WDR49: variants seen among roughly 807,000 people sequenced by gnomAD.
The protein encoded by WDR49 is cilia- and flagella-associated protein 337.
In WDR49, 107 loss-of-function variants were observed where a neutral mutation model predicts 119.5. That is an observed-to-expected ratio of 0.90 (90% confidence interval 0.77 to 1.05). The LOEUF (loss-of-function observed/expected upper bound fraction) is 1.05, where lower values mean the gene tolerates loss of function less well. Ranked by LOEUF, WDR49 falls within the 50% of genes least tolerant of loss-of-function variation. The pLI is 0.00. For synonymous variants in WDR49, 425 were observed against 418.8 expected (o/e 1.01, Z -0.18); for missense variants, 1,240 against 1,220.5 (o/e 1.02, Z -0.24).
rs537854791 is a variant in WDR49 at position 167,587,918 on chromosome 3, A to G, written c.1276-11767T>C. 3.3e-5 allele frequency among the ~76,000 whole-genome samples: 5 copies of G among 152,334 alleles called. No homozygotes were observed. In the East Asian group the frequency reaches 5.8e-4, roughly 18 times the overall value. On this transcript the variant is annotated intron_variant, in intron 7 of 18. Transcript: ENST00000682715. ...TCACATCAGGGTAAATGGAGTAGCTATCACCTCAAGCATTTATCCTGTGTG... is the reference window on the plus strand; with the variant it reads ...TCACATCAGGGTAAATGGAGTAGCTGTCACCTCAAGCATTTATCCTGTGTG...
intron 18 of WDR49, among the ~76,000 whole-genome samples, chr3:167,495,796 G>A (rs1751330244): frequency 7.0e-6 from 1 of 143,006 alleles, no homozygotes; most frequent in Admixed American, 7.4e-5. Flanking sequence ...TTTAAAAGCA[G>A]CCAGAATAAG....
At chr3:167,647,358 C>T (rs1276065053) in intron 2 of WDR49, among the ~76,000 whole-genome samples, 2 of 152,174 alleles carry the variant, frequency 1.3e-5, no homozygotes, top group Non-Finnish European at 2.9e-5. Flanking sequence ...TGTAAAAGTA[C>T]ACAGAGAGTT....
chr3:167,535,779 A>T (rs1752999810), intron 11 of WDR49, among the ~76,000 whole-genome samples: 1 of 152,116 alleles, frequency 6.6e-6, no homozygotes, highest in African/African-American at 2.4e-5. Flanking sequence ...TCTGCACCAC[A>T]CCCTTATGTT....
chr3:167,491,325 A>G (rs1011409399), intron 18 of WDR49, among the ~76,000 whole-genome samples: 1 of 152,160 alleles, frequency 6.6e-6, no homozygotes, highest in Non-Finnish European at 1.5e-5. Flanking sequence ...GCTCCTGGAA[A>G]GTGAAGACAT....
chr3:167,500,189 G>A lies in WDR49; in HGVS notation c.2995C>T (p.Arg999Cys), dbSNP rs200666249. The stretch of plus-strand genomic sequence containing the variant: ...GACGGGGCCTCCAGAATTTGGGGAC[G>A]CTCTTCCTCTGGTTCTTTCCTAAAG... The part of the protein sequence containing the change: ...KYFRKEPEEE[R>C]PQILEAPSLF... Residue 999 changes from arginine (R) to cysteine (C), a missense_variant, in exon 18 of 19, where the codon CGT becomes TGT. Physicochemically the swap from Arg to Cys is radical, Grantham distance 180 (BLOSUM62 -3). Transcript: ENST00000682715. 54 of 1,578,472 alleles carry A rather than the reference G, an allele frequency of 3.4e-5. No individual in the cohort carries two copies. The East Asian group carries it at 5.1e-4, about 15-fold the overall frequency.
At chr3:167,539,892 A>T (rs562298890) in intron 10 of WDR49, among the ~76,000 whole-genome samples, 3 of 152,286 alleles carry the variant, frequency 2.0e-5, no homozygotes, top group East Asian at 3.9e-4. Flanking sequence ...TTTTCCTTCT[A>T]CAACAGCAGT....
intron 5 of WDR49, among the ~76,000 whole-genome samples, chr3:167,609,332 C>A (rs1328776478): frequency 6.6e-6 from 1 of 152,150 alleles, no homozygotes; most frequent in African/African-American, 2.4e-5. Context: ...TCACCAACGC[C>A]CACCCTTCTC....
At chr3:167,625,539 G>A (rs1002591818) in intron 3 of WDR49, among the ~76,000 whole-genome samples, 14 of 151,890 alleles carry the variant, frequency 9.2e-5, no homozygotes, top group Admixed American at 8.5e-4. Flanking sequence ...AAAAATTAAT[G>A]GGTTTATTTC....
chr3:167,574,651 C>A (rs1714138853), intron 8 of WDR49, among the ~76,000 whole-genome samples: 1 of 152,118 alleles, frequency 6.6e-6, no homozygotes, highest in Admixed American at 6.5e-5. Flanking sequence ...TGTCTTTATG[C>A]CCCAAATAAA....
chr3:167,495,484 A>G (rs1343908257), intron 18 of WDR49, among the ~76,000 whole-genome samples: 1 of 152,120 alleles, frequency 6.6e-6, no homozygotes, highest in Non-Finnish European at 1.5e-5. Flanking sequence ...AGGAAATAAA[A>G]TGTTTTTCCA....
intron 15 of WDR49, among the ~76,000 whole-genome samples, chr3:167,526,405 G>A (rs138900099): frequency 6.6e-5 from 10 of 152,168 alleles, no homozygotes; most frequent in Non-Finnish European, 1.3e-4. Flanking sequence ...ATGACGTTTC[G>A]TTTCTTTACC....
At chr3:167,513,886 T>C (rs772445124) in intron 16 of WDR49, among the ~76,000 whole-genome samples, 1 of 152,004 alleles carries the variant, frequency 6.6e-6, no homozygotes, top group Non-Finnish European at 1.5e-5. Flanking sequence ...AATGGTAAAG[T>C]GTTCAATTCA....
At chr3:167,544,466 A>G (rs186975840) in intron 10 of WDR49, among the ~76,000 whole-genome samples, 15 of 151,998 alleles carry the variant, frequency 9.9e-5, no homozygotes, top group African/African-American at 3.4e-4. Context: ...GCAGTGGGAC[A>G]TAGACCGGTG....
At chr3:167,607,459 T>C (rs1280986449) in intron 5 of WDR49, among the ~76,000 whole-genome samples, 1 of 152,190 alleles carries the variant, frequency 6.6e-6, no homozygotes, top group Non-Finnish European at 1.5e-5. Flanking sequence ...TATTGAATCC[T>C]TCCTATGTAC....
chr3:167,554,680 T>C lies in WDR49; in HGVS notation c.1793A>G (p.Tyr598Cys). 6.2e-7 allele frequency: 1 copy of C among 1,604,364 alleles called. No individual in the cohort carries two copies. The highest frequency in any genetic ancestry group is 1.7e-4 in the Middle Eastern group (1 of 6,016). ...TATAGTTTTCCATGAGGCATAATCA[T>C]ACCTCTCCCAGCCTGTAACCAGTAT... ...KKILVTGWER[Y>C]DYASWKTIGR... Residue 598 changes from tyrosine (Y) to cysteine (C), a missense_variant, in exon 10 of 19, where the codon TAT becomes TGT. Coordinates refer to ENST00000682715, the MANE Select transcript of WDR49 (RefSeq NM_001366157.1).
chr3:167,545,485 C>T (rs777238332), intron 10 of WDR49, among the ~76,000 whole-genome samples: 7 of 113,592 alleles, frequency 6.2e-5, no homozygotes, highest in Non-Finnish European at 1.4e-4. Context: ...GAAAATGTAC[C>T]ATATATATAT....
rs545567681 is a variant in WDR49, at chr3:167,540,121, C to T, written c.1824-3121G>A. ...TTACAGCAACTCATGACAGAACAAC[C>T]CTGCTCCAAGGAAGGAGAAAACAAC... On this transcript the variant is annotated intron_variant, in intron 10 of 18. Transcript: ENST00000682715. Among the ~76,000 whole-genome samples the T allele has an allele frequency of 3.9e-5, 6 of 152,284 alleles. No homozygotes were observed. The South Asian group carries it at 1.2e-3, about 32-fold the overall frequency.
intron 8 of WDR49, chr3:167,566,825 C>A: frequency 6.2e-6 from 4 of 643,304 alleles, no homozygotes; most frequent in Non-Finnish European, 8.4e-6. Context: ...AGAAAATATA[C>A]TTACTATTTA....
intron 12 of WDR49, 78 bp from the exon 13 acceptor site, chr3:167,531,357 C>A: frequency 2.0e-6 from 3 of 1,483,648 alleles, no homozygotes; most frequent in Non-Finnish European, 2.8e-6. Context: ...AAATAGCAGG[C>A]CCACATCTAT....
Sources: gnomAD v4.1 joint callset for allele counts (sites outside exome capture counted in the v4.1 genomes callset) on GRCh38, gnomAD v4.1.1 for gene constraint, MANE v1.5 for transcripts, NCBI Gene and HGNC (gene_info 2026-07-23, HGNC 2026-07-21) for gene names.